HCN1: variants seen among roughly 807,000 people sequenced by gnomAD.
HCN1 encodes hyperpolarization activated cyclic nucleotide gated potassium channel 1, also known as potassium/sodium hyperpolarization-activated cyclic nucleotide-gated channel 1.
HCN1 carries 13 observed loss-of-function variants against 78.9 expected under a neutral mutation model. The observed-to-expected ratio is 0.16, with a 90% confidence interval of 0.11 to 0.26. The LOEUF is 0.26. Among genes scored for constraint, HCN1 ranks in the 10% least tolerant of loss-of-function variants. The probability of loss-of-function intolerance (pLI) is 1.00; values close to 1 mark genes in which losing one functional copy is unlikely to be tolerated. For synonymous variants in HCN1, 552 were observed against 455.5 expected (o/e 1.21, Z -2.70); for missense variants, 810 against 1,154.3 (o/e 0.70, Z 4.32).
At chr5:45,352,496 C>T (rs1037066951) in intron 5 of HCN1, among the ~76,000 whole-genome samples, 2 of 151,886 alleles carry the variant, frequency 1.3e-5, no homozygotes, top group African/African-American at 4.8e-5. Flanking sequence ...GCGCATTGTG[C>T]ACATGTACCC....
chr5:45,438,437 A>G (rs1740603141), intron 3 of HCN1, among the ~76,000 whole-genome samples: 1 of 152,004 alleles, frequency 6.6e-6, no homozygotes, highest in Non-Finnish European at 1.5e-5. Context: ...CTAAAAATAT[A>G]AAAAATTAGC....
intron 2 of HCN1, among the ~76,000 whole-genome samples, chr5:45,481,904 G>A (rs1171023385): frequency 6.6e-6 from 1 of 151,886 alleles, no homozygotes; most frequent in African/African-American, 2.4e-5. Context: ...TATAAAATGG[G>A]GATGACAAAA....
intron 2 of HCN1, among the ~76,000 whole-genome samples, chr5:45,509,475 T>A (rs933137895): frequency 1.1e-4 from 16 of 152,284 alleles, no homozygotes; most frequent in Non-Finnish European, 2.4e-4. Context: ...TGCTGCAGGT[T>A]GAGCATGAAC....
At chr5:45,413,078 C>T (rs1298694549) in intron 3 of HCN1, among the ~76,000 whole-genome samples, 2 of 151,860 alleles carry the variant, frequency 1.3e-5, no homozygotes, top group East Asian at 3.9e-4. Context: ...AAGTGACATG[C>T]TAGATTAGTG....
intron 2 of HCN1, among the ~76,000 whole-genome samples, chr5:45,580,156 CA>C (rs1744032872): frequency 6.6e-6 from 1 of 151,848 alleles, no homozygotes; most frequent in Non-Finnish European, 1.5e-5. Flanking sequence ...GATTACATGG[CA>C]AAAGGAAATT....
At chr5:45,665,875 T>A (rs1171199509) in intron 1 of HCN1, among the ~76,000 whole-genome samples, 1 of 152,140 alleles carries the variant, frequency 6.6e-6, no homozygotes, top group Non-Finnish European at 1.5e-5. Context: ...CTCTAATTTC[T>A]CTGACCTTTT....
At chr5:45,625,417 C>G (rs1745144631) in intron 2 of HCN1, among the ~76,000 whole-genome samples, 1 of 151,982 alleles carries the variant, frequency 6.6e-6, no homozygotes, top group African/African-American at 2.4e-5. Flanking sequence ...GGTAGGGCAC[C>G]CCAGTCCCCA....
intron 5 of HCN1, among the ~76,000 whole-genome samples, chr5:45,317,761 A>G (rs552644454): frequency 6.6e-6 from 1 of 152,326 alleles, no homozygotes; most frequent in African/African-American, 2.4e-5. Flanking sequence ...GAAGGATATG[A>G]ACAGACACTT....
intron 2 of HCN1, among the ~76,000 whole-genome samples, chr5:45,590,957 G>A (rs1579987656): frequency 4.6e-5 from 7 of 151,664 alleles, no homozygotes; most frequent in Admixed American, 2.0e-4. Context: ...TCAGTCTCTC[G>A]AGCAACTGGG....
intron 3 of HCN1, among the ~76,000 whole-genome samples, chr5:45,436,025 G>T (rs1740554921): frequency 6.6e-6 from 1 of 151,998 alleles, no homozygotes. Flanking sequence ...TTCCATGCAT[G>T]CTGAAAAAAA....
chr5:45,409,794 T>C (rs1739991610), intron 3 of HCN1, among the ~76,000 whole-genome samples: 1 of 151,834 alleles, frequency 6.6e-6, no homozygotes, highest in South Asian at 2.1e-4. Context: ...ATCCTTTTTA[T>C]AAGTACACTG....
intron 2 of HCN1, among the ~76,000 whole-genome samples, chr5:45,616,354 T>C (rs927513532): frequency 6.6e-6 from 1 of 151,936 alleles, no homozygotes; most frequent in African/African-American, 2.4e-5. Flanking sequence ...AAGTTAAGGG[T>C]ATTTTAAGGG....
chr5:45,410,182 A>G (rs552139921), intron 3 of HCN1, among the ~76,000 whole-genome samples: 1 of 152,104 alleles, frequency 6.6e-6, no homozygotes, highest in African/African-American at 2.4e-5. Context: ...TGGTAGCAAG[A>G]ACAGTCTTTA....
intron 2 of HCN1, among the ~76,000 whole-genome samples, chr5:45,593,548 AC>A (rs1225368396): frequency 6.6e-6 from 1 of 152,018 alleles, no homozygotes; most frequent in East Asian, 1.9e-4. Context: ...CAGACAAGGA[AC>A]CTCATTTAAC....
chr5:45,692,782 A>G (rs1016513278), intron 1 of HCN1, among the ~76,000 whole-genome samples: 1 of 152,196 alleles, frequency 6.6e-6, no homozygotes, highest in Admixed American at 6.5e-5. Flanking sequence ...AGTAAAGTAG[A>G]AAGCTATCAG....
intron 2 of HCN1, among the ~76,000 whole-genome samples, chr5:45,574,416 C>A (rs150917111): frequency 1.3e-5 from 2 of 152,144 alleles, no homozygotes; most frequent in Non-Finnish European, 2.9e-5. Context: ...ATGAACCATG[C>A]CATGTAAGAT....
At chr5:45,317,767 C>T (rs1424328000) in intron 5 of HCN1, among the ~76,000 whole-genome samples, 1 of 152,140 alleles carries the variant, frequency 6.6e-6, no homozygotes, top group Non-Finnish European at 1.5e-5. Context: ...TATGAACAGA[C>T]ACTTCTCAAA....
At chr5:45,305,915 C>T (rs1390817293) in intron 5 of HCN1, among the ~76,000 whole-genome samples, 7 of 151,788 alleles carry the variant, frequency 4.6e-5, no homozygotes, top group African/African-American at 4.8e-5. Flanking sequence ...TAAAAAAGTA[C>T]TCATAAAGAC....
At chr5:45,596,651 T>A (rs1744502039) in intron 2 of HCN1, among the ~76,000 whole-genome samples, 1 of 152,180 alleles carries the variant, frequency 6.6e-6, no homozygotes, top group Non-Finnish European at 1.5e-5. Context: ...GCCACTTAGT[T>A]AGAGTTTTTA....
Sources: gnomAD v4.1 joint callset for allele counts (sites outside exome capture counted in the v4.1 genomes callset) on GRCh38, gnomAD v4.1.1 for gene constraint, MANE v1.5 for transcripts, NCBI Gene and HGNC (gene_info 2026-07-23, HGNC 2026-07-21) for gene names.